TMEM39A: variants seen among roughly 807,000 people sequenced by gnomAD.
TMEM39A encodes the protein suppressor of SQST-1 aggregates in rpl-43 mutants.
In TMEM39A, 19 loss-of-function variants were observed where a neutral mutation model predicts 51.9. The observed-to-expected ratio is 0.37, with a 90% CI of 0.26 to 0.54. The LOEUF is 0.54. TMEM39A is among the 20% of genes least tolerant of loss of function. The pLI, the probability that TMEM39A is intolerant of heterozygous loss-of-function variation, is 0.88. For missense variants in TMEM39A, 433 were observed against 590.5 expected (o/e 0.73, Z 2.76); for synonymous variants, 197 against 220.2 (o/e 0.89, Z 0.93).
intron 4 of TMEM39A, among the ~76,000 whole-genome samples, chr3:119,449,077 T>G (rs989948233): frequency 1.4e-4 from 21 of 152,198 alleles, no homozygotes; most frequent in African/African-American, 5.1e-4. Flanking sequence ...TAGAGATGGC[T>G]TGTGTTAGTA....
chr3:119,437,659 G>T, intron 6 of TMEM39A, 96 bp downstream of exon 6: 2 of 1,028,304 alleles, frequency 1.9e-6, no homozygotes, highest in Non-Finnish European at 2.8e-6. Context: ...GCTGCCAAAG[G>T]GGAGACAGAG....
chr3:119,457,966 G>T, intron 3 of TMEM39A, 52 bp downstream of exon 3: 1 of 1,348,080 alleles, frequency 7.4e-7, no homozygotes, highest in Non-Finnish European at 1.0e-6. Context: ...GGCTTTCCAG[G>T]TAGTTTCTTG....
rs569972187 is a variant in TMEM39A, at chr3:119,463,010, C to A, written c.-75+326G>T. Among the ~76,000 whole-genome samples the A allele has an allele frequency of 3.3e-5, 5 of 152,188 alleles. 1 individual carries two copies. In the South Asian group the frequency reaches 8.3e-4, roughly 25 times the overall value. Reference sequence around the variant, plus strand: ...AACCCAAGGATGACACTGGAAAAAACCCGTGTTTTCAAATGCTCCCTATTC... The same window carrying A: ...AACCCAAGGATGACACTGGAAAAAAACCGTGTTTTCAAATGCTCCCTATTC... On this transcript the variant is annotated intron_variant, in intron 1 of 8. Coordinates refer to ENST00000319172, the MANE Select transcript of TMEM39A (RefSeq NM_018266.3).
chr3:119,440,980 C>T (rs560020976), intron 5 of TMEM39A, among the ~76,000 whole-genome samples: 20 of 152,042 alleles, frequency 1.3e-4, no homozygotes, highest in Admixed American at 1.2e-3. Context: ...ATCTGTTATG[C>T]GAAATGTGAT....
intron 5 of TMEM39A, among the ~76,000 whole-genome samples, chr3:119,441,445 G>A (rs934043683): frequency 1.3e-5 from 2 of 152,164 alleles, no homozygotes; most frequent in African/African-American, 4.8e-5. Context: ...GGTCTGGATC[G>A]ACCAGCCACG....
chr3:119,434,713 T>C, intron 8 of TMEM39A, 49 bp downstream of exon 8: 1 of 1,605,388 alleles, frequency 6.2e-7, no homozygotes, highest in South Asian at 1.1e-5. Flanking sequence ...AGTGGCCTCC[T>C]AACACTTACC....
At chr3:119,446,947 A>G (rs1001976490) in intron 5 of TMEM39A, 71 bp downstream of exon 5, 75 of 1,491,804 alleles carry the variant, frequency 5.0e-5, no homozygotes, top group Non-Finnish European at 5.9e-5. Context: ...TTCACTCTTA[A>G]AAGTATCGTT....
chr3:119,433,208 G>A (rs2080923859), intron 8 of TMEM39A, among the ~76,000 whole-genome samples: 1 of 152,090 alleles, frequency 6.6e-6, no homozygotes. Context: ...AAAGTTTCCA[G>A]GTTCAAGAGG....
Position 119,461,627 on chromosome 3 carries a change from A to T in TMEM39A, c.113+335T>A, listed in dbSNP as rs182918003. On this transcript the variant is annotated intron_variant, in intron 2 of 8. Transcript: ENST00000319172. ...GAATTTGACTTATAATTTGCCCTCT[A>T]AAAAAAGAATGCTTATAAGTAGATA... Among the ~76,000 whole-genome samples, 10 of 150,726 alleles carry T rather than the reference A, an allele frequency of 6.6e-5. No homozygotes were observed. In the East Asian group the frequency reaches 1.9e-3, roughly 29 times the overall value.
Position 119,447,130 on chromosome 3 carries a change from G to C in TMEM39A, c.463C>G (p.Leu155Val), listed in dbSNP as rs754002943. ...GAASMIHYMV[L>V]ISARLVLLTL... Reference sequence around the variant, plus strand: ...AGTAGTACCAAGCGAGCTGATATCAGAACCATGTAGTGAATCATTGATGCT... The same window carrying C: ...AGTAGTACCAAGCGAGCTGATATCACAACCATGTAGTGAATCATTGATGCT... Residue 155 changes from leucine to valine, a missense_variant, in exon 5 of 9, where the codon CTG (leucine) becomes GTG (valine). Leu to Val is a conservative substitution (Grantham distance 32). Coordinates refer to ENST00000319172, the MANE Select transcript of TMEM39A (RefSeq NM_018266.3). The C allele has an allele frequency of 6.2e-7, 1 of 1,614,098 alleles. No homozygotes were observed. Among genetic ancestry groups the C allele is most frequent in the Non-Finnish European group, 8.5e-7 (1 of 1,180,016 alleles).
chr3:119,435,011 A>G (rs1355896095), intron 7 of TMEM39A, 129 bp from the exon 8 acceptor site: 1 of 1,415,342 alleles, frequency 7.1e-7, no homozygotes, highest in Non-Finnish European at 9.4e-7. Flanking sequence ...TTCTGAAAAT[A>G]CAGTAATTCC....
chr3:119,442,065 G>A (rs1194061849), intron 5 of TMEM39A, among the ~76,000 whole-genome samples: 1 of 152,242 alleles, frequency 6.6e-6, no homozygotes, highest in Admixed American at 6.5e-5. Flanking sequence ...GTACGGCTGG[G>A]TGCGGTGGCT....
chr3:119,450,273 C>CAT, intron 4 of TMEM39A, among the ~76,000 whole-genome samples: 1 of 152,144 alleles, frequency 6.6e-6, no homozygotes, highest in East Asian at 1.9e-4. Context: ...ACAATTTATT[C>CAT]ATATATAAGC....
chr3:119,433,994 T>C (rs1190165773), intron 8 of TMEM39A, among the ~76,000 whole-genome samples: 2 of 152,226 alleles, frequency 1.3e-5, no homozygotes, highest in Non-Finnish European at 2.9e-5. Context: ...GATGCAAGTA[T>C]CTTAAAAAAG....
chr3:119,446,868 A>T, intron 5 of TMEM39A, 150 bp downstream of exon 5: 1 of 918,168 alleles, frequency 1.1e-6, no homozygotes, highest in Non-Finnish European at 1.6e-6. Context: ...AAAACAAATT[A>T]TATGTTCACC....
At chr3:119,452,393 T>C in intron 4 of TMEM39A, 54 bp downstream of exon 4, 6 of 1,411,488 alleles carry the variant, frequency 4.3e-6, no homozygotes, top group South Asian at 1.2e-5. Flanking sequence ...CCTGCACCCA[T>C]TCTAGTAACT....
chr3:119,458,145 T>A lies in TMEM39A; in HGVS notation c.209A>T (p.Asp70Val). Residue 70 changes from aspartate to valine, a missense_variant, in exon 3 of 9, where the codon GAT (aspartate) becomes GTT (valine). Physicochemically the swap from Asp to Val is radical, Grantham distance 152. Transcript: ENST00000319172. ...RHCQIPDLPV[D>V]GSLLFEFLFF... The stretch of plus-strand genomic sequence containing the variant: ...AAGGAATTCAAAGAGTAGGCTCCCA[T>A]CCACAGGCAAGTCAGGAATTTGGCA... The A allele has an allele frequency of 1.9e-6, 3 of 1,614,146 alleles. No individual in the cohort carries two copies. The highest frequency in any genetic ancestry group is 2.5e-6 in the Non-Finnish European group (3 of 1,180,004).
At chr3:119,443,932 A>AAAAT (rs1353888506) in intron 5 of TMEM39A, among the ~76,000 whole-genome samples, 80 of 151,996 alleles carry the variant, frequency 5.3e-4, no homozygotes, top group Admixed American at 2.9e-3. Flanking sequence ...AAAATAAAAT[A>AAAAT]AAATAGACTA....
intron 4 of TMEM39A, among the ~76,000 whole-genome samples, 190 bp from the exon 5 acceptor site, chr3:119,447,362 T>C (rs933713214): frequency 1.3e-5 from 2 of 152,206 alleles, no homozygotes; most frequent in Admixed American, 6.5e-5. Flanking sequence ...CCAGGCACAG[T>C]TGTTTCCTTC....
Sources: gnomAD v4.1 joint callset for allele counts (sites outside exome capture counted in the v4.1 genomes callset) on GRCh38, gnomAD v4.1.1 for gene constraint, MANE v1.5 for transcripts, NCBI Gene and HGNC (gene_info 2026-07-23, HGNC 2026-07-21) for gene names.